The following DPP10 variants were observed in gnomAD, a reference collection of about 807,000 sequenced individuals.
DPP10 encodes dipeptidyl peptidase like 10.
Under a neutral mutation model 120.9 loss-of-function variants are expected in DPP10, and 33 were observed. The ratio of observed to expected loss-of-function variants is 0.27; its 90% CI spans 0.21 to 0.37. DPP10 has a LOEUF of 0.37. Among genes scored for constraint, DPP10 ranks in the 10% least tolerant of loss-of-function variants. The pLI is 1.00. For synonymous variants in DPP10, 337 were observed against 326.1 expected (o/e 1.03, Z -0.36); for missense variants, 816 against 942.8 (o/e 0.87, Z 1.76).
At chr2:115,345,446 A>C (rs554234902) in intron 3 of DPP10, among the ~76,000 whole-genome samples, 1 of 152,314 alleles carries the variant, frequency 6.6e-6, no homozygotes, top group East Asian at 1.9e-4. Flanking sequence ...TATGACAATC[A>C]CCTGTTTACT....
At chr2:115,829,962 A>C (rs1282655653) in intron 21 of DPP10, among the ~76,000 whole-genome samples, 1 of 152,094 alleles carries the variant, frequency 6.6e-6, no homozygotes, top group Non-Finnish European at 1.5e-5. Flanking sequence ...AACCTCATTT[A>C]ATATATAATA....
At chr2:114,735,781 AT>A (rs929033445) in intron 1 of DPP10, among the ~76,000 whole-genome samples, 18 of 152,096 alleles carry the variant, frequency 1.2e-4, no homozygotes, top group African/African-American at 4.1e-4. Context: ...CAGTTTGTTA[AT>A]TATTTTTTTC....
intron 1 of DPP10, among the ~76,000 whole-genome samples, chr2:114,657,018 A>T (rs1697014098): frequency 6.6e-6 from 1 of 152,120 alleles, no homozygotes; most frequent in Admixed American, 6.6e-5. Flanking sequence ...TGCATATGGG[A>T]AGATCATAAA....
Position 115,463,984 on chromosome 2 carries a change from G to C in DPP10, c.272-35526G>C, listed in dbSNP as rs887813059. ...GTCCAGAGTGGCATATTTCTTGTGT[G>C]TCCAGTAGAGACTGGTGGTCCTCTC... On this transcript the variant is annotated intron_variant, in intron 3 of 25. Transcript: ENST00000410059. Among the ~76,000 whole-genome samples the C allele has an allele frequency of 1.3e-5, 2 of 152,192 alleles. 1 individual carries two copies.
At chr2:115,437,917 C>A (rs188964072) in intron 3 of DPP10, among the ~76,000 whole-genome samples, 2 of 152,088 alleles carry the variant, frequency 1.3e-5, no homozygotes, top group Admixed American at 6.6e-5. Context: ...TTATTAAATT[C>A]ATTTTATGTG....
intron 1 of DPP10, among the ~76,000 whole-genome samples, chr2:115,086,222 T>A (rs960540280): frequency 1.3e-5 from 2 of 152,188 alleles, no homozygotes; most frequent in African/African-American, 4.8e-5. Flanking sequence ...GAAACATTTG[T>A]CATCTATTGT....
intron 7 of DPP10, among the ~76,000 whole-genome samples, chr2:115,693,535 T>C (rs1328963196): frequency 6.6e-6 from 1 of 152,158 alleles, no homozygotes; most frequent in Non-Finnish European, 1.5e-5. Flanking sequence ...TACACTTTGG[T>C]TGGTTTTAAA....
intron 1 of DPP10, among the ~76,000 whole-genome samples, chr2:114,481,341 T>G (rs963750105): frequency 6.6e-6 from 1 of 152,094 alleles, no homozygotes; most frequent in Non-Finnish European, 1.5e-5. Flanking sequence ...AGCTATTAGT[T>G]AAATGCAAAT....
At position 115,689,919 on chromosome 2, in the gene DPP10, C is replaced by T; in HGVS notation, c.574C>T (p.Leu192=). ...GGCCTGGGGTGTCCAAGGGCAGCAG[C>T]TGGTAAGCGCAGGCATTGGTATGCA... The part of the protein sequence containing the change: ...YAAWGVQGQQ[L]IYIFENNIYY... The change falls in exon 7 of 26, where the codon CTG becomes TTG. Residue 192 remains leucine (L), a splice_region_variant and synonymous_variant. Transcript: ENST00000410059. 1.2e-6 allele frequency: 2 copies of T among 1,613,830 alleles called. No homozygotes were observed. Among genetic ancestry groups the T allele is most frequent in the Non-Finnish European group, 1.7e-6 (2 of 1,179,894 alleles).
At chr2:115,730,844 G>A (rs554725146) in intron 8 of DPP10, among the ~76,000 whole-genome samples, 13 of 152,232 alleles carry the variant, frequency 8.5e-5, no homozygotes, top group African/African-American at 2.9e-4. Flanking sequence ...GCCATACTTT[G>A]GGCTCCTATG....
chr2:114,446,028 A>C (rs1387853020), intron 1 of DPP10, among the ~76,000 whole-genome samples: 1 of 152,158 alleles, frequency 6.6e-6, no homozygotes, highest in East Asian at 1.9e-4. Context: ...TTTTAAAAAA[A>C]ATCTTTTACT....
chr2:114,584,478 T>C (rs929659937), intron 1 of DPP10, among the ~76,000 whole-genome samples: 6 of 151,806 alleles, frequency 4.0e-5, no homozygotes, highest in African/African-American at 7.3e-5. Context: ...ATGTGCCATG[T>C]TGGTGTGCTG....
At chr2:114,659,854 G>A (rs1392579449) in intron 1 of DPP10, among the ~76,000 whole-genome samples, 1 of 152,180 alleles carries the variant, frequency 6.6e-6, no homozygotes, top group Non-Finnish European at 1.5e-5. Flanking sequence ...GAAGAGAGCT[G>A]TATAAAGACA....
At chr2:115,045,966 T>G (rs763081651) in intron 1 of DPP10, among the ~76,000 whole-genome samples, 8 of 151,752 alleles carry the variant, frequency 5.3e-5, no homozygotes, top group Non-Finnish European at 1.0e-4. Context: ...TGTGTTTGCA[T>G]AAGAGAGCCA....
chr2:115,436,429 A>G (rs995733234), intron 3 of DPP10, among the ~76,000 whole-genome samples: 2 of 151,758 alleles, frequency 1.3e-5, no homozygotes, highest in African/African-American at 4.8e-5. Context: ...GGTATTAAAG[A>G]CAACTGAGAA....
chr2:115,459,922 A>ATT (rs1386731321), intron 3 of DPP10, among the ~76,000 whole-genome samples: 42 of 32,676 alleles, frequency 1.3e-3, no homozygotes, highest in Middle Eastern at 0.023. Context: ...TAAAACATAT[A>ATT]TTTTATATAT....
chr2:115,835,847 G>A (rs1190663504), intron 21 of DPP10, among the ~76,000 whole-genome samples: 2 of 152,018 alleles, frequency 1.3e-5, no homozygotes, highest in Non-Finnish European at 2.9e-5. Context: ...ATTTCCAGAT[G>A]TATAGTATGA....
intron 4 of DPP10, among the ~76,000 whole-genome samples, chr2:115,504,133 T>C (rs1390026323): frequency 6.6e-6 from 1 of 152,098 alleles, no homozygotes; most frequent in Non-Finnish European, 1.5e-5. Flanking sequence ...GTAGGATCAT[T>C]TGGCCTTGGC....
intron 1 of DPP10, among the ~76,000 whole-genome samples, chr2:114,957,088 C>T (rs1277367231): frequency 2.0e-5 from 3 of 149,342 alleles, no homozygotes; most frequent in Non-Finnish European, 3.0e-5. Context: ...AATAAGAATA[C>T]GTGAAAATAA....
Sources: allele counts gnomAD v4.1 joint callset (sites outside exome capture counted in the v4.1 genomes callset), GRCh38; gene constraint gnomAD v4.1.1; transcripts MANE v1.5; gene names NCBI Gene and HGNC (gene_info 2026-07-23, HGNC 2026-07-21).